SKIL: variants seen among roughly 807,000 people sequenced by gnomAD.
The protein encoded by SKIL is SKI like proto-oncogene.
A neutral mutation model predicts 69.6 loss-of-function variants in SKIL; 20 were observed. The ratio of observed to expected loss-of-function variants is 0.29; its 90% CI spans 0.20 to 0.42. SKIL has a LOEUF of 0.42. SKIL is among the 10% of genes least tolerant of loss of function. The pLI, the probability that SKIL is intolerant of heterozygous loss-of-function variation, is 1.00. For synonymous variants in SKIL, 310 were observed against 279.9 expected (o/e 1.11, Z -1.08); for missense variants, 745 against 783.1 (o/e 0.95, Z 0.58).
At chr3:170,384,938 C>T in intron 4 of SKIL, 173 bp downstream of exon 4, 1 of 505,852 alleles carries the variant, frequency 2.0e-6, no homozygotes, top group South Asian at 2.7e-5. Flanking sequence ...AGTTGCTATA[C>T]TTTTCTAGCG....
chr3:170,372,986 C>T (rs1736860791), intron 2 of SKIL, among the ~76,000 whole-genome samples: 1 of 120,552 alleles, frequency 8.3e-6, no homozygotes, highest in African/African-American at 2.9e-5. Context: ...AAATAATTTT[C>T]AATTTTTTTT....
Position 170,360,399 on chromosome 3 carries a change from A to G in SKIL, c.68A>G (p.Asp23Gly). ...ACTAAAAAACTGAATGGGATGGGAG[A>G]TGATGGCAGCCCCCCAGCGAAAAAA... ...GSTKKLNGMG[D>G]DGSPPAKKMI... The change falls in exon 2 of 7, where the codon GAT becomes GGT. Residue 23 changes from aspartate (D) to glycine (G), a missense_variant. By Grantham distance (94) the Asp-to-Gly change is moderately conservative. Transcript: ENST00000259119. 6.2e-7 allele frequency: 1 copy of G among 1,610,130 alleles called. No homozygotes were observed.
intron 2 of SKIL, among the ~76,000 whole-genome samples, chr3:170,369,570 T>C (rs1736698963): frequency 6.6e-6 from 1 of 152,000 alleles, no homozygotes; most frequent in Non-Finnish European, 1.5e-5. Flanking sequence ...GCTGGCTAAT[T>C]TTTGTATTTT....
At chr3:170,368,055 G>T (rs1736632378) in intron 2 of SKIL, among the ~76,000 whole-genome samples, 1 of 152,016 alleles carries the variant, frequency 6.6e-6, no homozygotes, top group Non-Finnish European at 1.5e-5. Context: ...CTTGTATTAG[G>T]CAGCGTATTT....
intron 6 of SKIL, among the ~76,000 whole-genome samples, 196 bp from the exon 7 acceptor site, chr3:170,392,063 C>T (rs1737952757): frequency 6.6e-6 from 1 of 152,298 alleles, no homozygotes; most frequent in South Asian, 2.1e-4. Flanking sequence ...GTTCCTTCCT[C>T]TTGTTCCTTT....
At position 170,361,048 on chromosome 3, in the gene SKIL, T is replaced by C. The variant is rs1384541373; in HGVS notation, c.717T>C (p.Phe239=). The C allele has an allele frequency of 1.2e-6, 2 of 1,614,254 alleles. No homozygotes were observed. Among genetic ancestry groups the C allele is most frequent in the South Asian group, 2.2e-5 (2 of 91,086 alleles). Residue 239 remains phenylalanine, a synonymous_variant, in exon 2 of 7, where the codon TTT becomes TTC. Coordinates refer to ENST00000259119, the MANE Select transcript of SKIL (RefSeq NM_005414.5). ...ATGCTTTATTGCGGCCACGAACTTT[T>C]CCTCAAAATGGTAGCGTACTTCCTG... ...LCNALLRPRT[F]PQNGSVLPAK... is the part of the protein sequence containing the mutation.
intron 4 of SKIL, among the ~76,000 whole-genome samples, chr3:170,389,132 C>CA (rs1490892209): frequency 3.9e-5 from 6 of 152,190 alleles, no homozygotes; most frequent in Non-Finnish European, 7.4e-5. Context: ...CTCGGCCTCC[C>CA]AAAGTGCTGG....
chr3:170,380,659 T>A (rs377748261), intron 2 of SKIL, among the ~76,000 whole-genome samples: 1,733 of 151,232 alleles, frequency 0.011, 23 homozygotes, highest in African/African-American at 0.03. Flanking sequence ...AAAAAAAAAA[T>A]AAATAAATAA....
At chr3:170,383,734 A>G (rs572461939) in intron 3 of SKIL, among the ~76,000 whole-genome samples, 11 of 152,150 alleles carry the variant, frequency 7.2e-5, no homozygotes, top group Non-Finnish European at 1.3e-4. Context: ...TCTGAGGTAT[A>G]TAAGAAGAGC....
rs1159717975 is a variant in SKIL, at chr3:170,392,802, G to C, written c.*385G>C. On this transcript the variant is annotated 3_prime_UTR_variant, in exon 7 of 7. Coordinates refer to ENST00000259119, the MANE Select transcript of SKIL (RefSeq NM_005414.5). The stretch of plus-strand genomic sequence containing the variant: ...TTCAGACTCAATTTTAGATACAATG[G>C]TGGCTTTATATTTTAAGTATATAGA... 1 of 153,994 alleles carries C rather than the reference G, an allele frequency of 6.5e-6. No homozygotes were observed. Among genetic ancestry groups the C allele is most frequent in the Non-Finnish European group, 1.4e-5 (1 of 69,436 alleles). The allele number at this position is 153,994 out of a possible 1,614,324, so 9.5% of individuals were successfully genotyped here.
chr3:170,378,962 C>T (rs900946503), intron 2 of SKIL, among the ~76,000 whole-genome samples: 6 of 151,660 alleles, frequency 4.0e-5, no homozygotes, highest in African/African-American at 7.3e-5. Flanking sequence ...CTGCAGCCTC[C>T]GCCTCCTGGG....
intron 2 of SKIL, among the ~76,000 whole-genome samples, chr3:170,377,262 G>T (rs1737074784): frequency 6.6e-6 from 1 of 151,558 alleles, no homozygotes; most frequent in Non-Finnish European, 1.5e-5. Flanking sequence ...TTTTGAGATG[G>T]AGTTGCACTT....
rs187803282 is a variant in SKIL at position 170,389,603 on chromosome 3, C to T, written c.1430-620C>T. Among the ~76,000 whole-genome samples the T allele has an allele frequency of 3.3e-4, 50 of 152,226 alleles. No individual in the cohort carries two copies. In the East Asian group the frequency reaches 8.5e-3, roughly 26 times the overall value. ...TGCTGGGATTACAGGCGTGAGCCAC[C>T]GCGCCTGGCCAGAAAAGATTATTCT... On this transcript the variant is annotated intron_variant, in intron 4 of 6. Transcript: ENST00000259119.
intron 2 of SKIL, among the ~76,000 whole-genome samples, chr3:170,367,062 AT>A (rs1373606748): frequency 6.6e-6 from 1 of 152,206 alleles, no homozygotes; most frequent in Non-Finnish European, 1.5e-5. Context: ...TTTCAAACAT[AT>A]TGGAAGTGGT....
intron 3 of SKIL, among the ~76,000 whole-genome samples, chr3:170,381,848 G>C (rs1326698766): frequency 6.6e-6 from 1 of 152,006 alleles, no homozygotes; most frequent in African/African-American, 2.4e-5. Flanking sequence ...TTGGGAGGCC[G>C]AGGTGGGTGG....
In SKIL at chr3:170,395,689, T is replaced by A. The variant is rs1305493334; in HGVS notation, c.*3272T>A. On this transcript the variant is annotated 3_prime_UTR_variant, in exon 7 of 7. Coordinates refer to ENST00000259119, the MANE Select transcript of SKIL (RefSeq NM_005414.5). The stretch of plus-strand genomic sequence containing the variant: ...TCAGCTTCTAAAATTTTCTTCTCAA[T>A]AAGGCATATGTTTTGATTACTTAGG... 13 of 152,208 alleles carry A rather than the reference T, an allele frequency of 8.5e-5. No individual in the cohort carries two copies. The East Asian group carries it at 2.5e-3, about 29-fold the overall frequency. The allele number at this position is 152,208 out of a possible 1,614,324, so 9.4% of individuals were successfully genotyped here.
chr3:170,380,012 G>A (rs1737249530), intron 2 of SKIL, among the ~76,000 whole-genome samples: 1 of 152,058 alleles, frequency 6.6e-6, no homozygotes, highest in South Asian at 2.1e-4. Context: ...TTTAATGGGG[G>A]ATATTTGTTA....
chr3:170,383,423 G>A (rs997051347), intron 3 of SKIL, among the ~76,000 whole-genome samples: 6 of 152,212 alleles, frequency 3.9e-5, no homozygotes, highest in Non-Finnish European at 5.9e-5. Flanking sequence ...TCAGGGGATA[G>A]AGTGTCAAGT....
intron 3 of SKIL, 29 bp from the exon 4 acceptor site, chr3:170,384,504 T>A (rs757742973): frequency 2.0e-6 from 2 of 1,006,590 alleles, no homozygotes; most frequent in South Asian, 2.9e-5. Flanking sequence ...ATGTAATATA[T>A]GTCTTGTTTT....
Sources: gnomAD v4.1 joint callset for allele counts (sites outside exome capture counted in the v4.1 genomes callset) on GRCh38, gnomAD v4.1.1 for gene constraint, MANE v1.5 for transcripts, NCBI Gene and HGNC (gene_info 2026-07-23, HGNC 2026-07-21) for gene names.